Variants in BABAM1 observed in about 807,000 individuals in gnomAD.
BABAM1 encodes the protein BRISC and BRCA1 A complex member 1.
BABAM1 carries 14 observed loss-of-function variants against 34.4 expected under a neutral mutation model. The observed-to-expected ratio is 0.41, with a 90% CI of 0.27 to 0.64. BABAM1 has a LOEUF of 0.64. BABAM1 is among the 30% of genes least tolerant of loss of function. The pLI is 0.34. For missense variants in BABAM1, 393 were observed against 434.0 expected (o/e 0.91, Z 0.84); for synonymous variants, 169 against 165.8 (o/e 1.02, Z -0.15).
intron 2 of BABAM1, among the ~76,000 whole-genome samples, chr19:17,270,964 C>G (rs1276969370): frequency 6.7e-6 from 1 of 150,036 alleles, no homozygotes; most frequent in Non-Finnish European, 1.5e-5. Context: ...TGCTGGGATT[C>G]CAGGCATGAG....
intron 8 of BABAM1, among the ~76,000 whole-genome samples, chr19:17,278,237 C>G (rs1182403902): frequency 6.6e-6 from 1 of 151,804 alleles, no homozygotes; most frequent in South Asian, 2.1e-4. Flanking sequence ...GAAGCCCTCC[C>G]TGTTTTTCAA....
At chr19:17,274,591 A>C in intron 5 of BABAM1, 1 of 201,472 alleles carries the variant, frequency 5.0e-6, no homozygotes, top group African/African-American at 2.3e-5. Context: ...AAAGAAAGAA[A>C]TACCTGATTT....
chr19:17,274,055 G>A (rs1414955848), intron 4 of BABAM1, 31 bp downstream of exon 4: 1 of 1,613,562 alleles, frequency 6.2e-7, no homozygotes, highest in African/African-American at 1.3e-5. Context: ...GGGTGCCCTG[G>A]GGTCCCCTGG....
chr19:17,278,314 CTT>C (rs777700531), intron 8 of BABAM1, among the ~76,000 whole-genome samples: 4 of 126,642 alleles, frequency 3.2e-5, no homozygotes, highest in South Asian at 2.3e-4. Flanking sequence ...ACTGGGGACT[CTT>C]TTTTTTTTTT....
At position 17,276,895 on chromosome 19, in the gene BABAM1, G is replaced by A. The variant is rs937213907; in HGVS notation, c.772G>A (p.Glu258Lys). 2.5e-6 allele frequency: 4 copies of A among 1,598,542 alleles called. No homozygotes were observed. Among genetic ancestry groups the A allele is most frequent in the Non-Finnish European group, 3.4e-6 (4 of 1,172,500 alleles). The change falls in exon 8 of 9, where the codon GAG (glutamate) becomes AAG (lysine). Residue 258 changes from glutamate to lysine, a missense_variant. By Grantham distance (56) the Glu-to-Lys change is moderately conservative (BLOSUM62 1). Coordinates refer to ENST00000598188, the MANE Select transcript of BABAM1 (RefSeq NM_014173.4). ...IHNGTEEKEE[E>K]MSWKDMFAFM... The stretch of plus-strand genomic sequence containing the variant: ...CAATGGCACTGAGGAGAAGGAGGAG[G>A]AGATGAGTTGGAAGGTGAGAGGCTG...
At chr19:17,268,230 T>G (rs2073791389) in intron 1 of BABAM1, among the ~76,000 whole-genome samples, 1 of 149,422 alleles carries the variant, frequency 6.7e-6, no homozygotes, top group Non-Finnish European at 1.5e-5. Context: ...ACTGGCCGAG[T>G]AGGGGCATGG....
At chr19:17,273,055 G>A (rs185925913) in intron 3 of BABAM1, among the ~76,000 whole-genome samples, 1 of 152,248 alleles carries the variant, frequency 6.6e-6, no homozygotes, top group Non-Finnish European at 1.5e-5. Flanking sequence ...GAGTAGCAAG[G>A]ACAACTGGTA....
intron 6 of BABAM1, 73 bp from the exon 7 acceptor site, chr19:17,276,422 G>A (rs760230245): frequency 7.7e-6 from 12 of 1,549,128 alleles, no homozygotes; most frequent in Non-Finnish European, 1.0e-5. Context: ...AGCATCTGGG[G>A]TCTCTCTCAG....
intron 3 of BABAM1, among the ~76,000 whole-genome samples, chr19:17,273,583 A>G (rs2073871667): frequency 2.9e-5 from 2 of 67,858 alleles, no homozygotes; most frequent in Admixed American, 1.9e-4. Flanking sequence ...TTTTTTTTTG[A>G]GACAGAGTCT....
At chr19:17,275,896 C>A in intron 6 of BABAM1, 71 bp downstream of exon 6, 2 of 1,541,812 alleles carry the variant, frequency 1.3e-6, no homozygotes, top group Non-Finnish European at 1.8e-6. Context: ...AAGCTCCAAA[C>A]GGCACAGAAG....
rs1214439371 is a variant in BABAM1 at position 17,278,825 on chromosome 19, G to C, written c.787-20G>C. On this transcript the variant is annotated intron_variant, in intron 8 of 8. Coordinates refer to ENST00000598188, the MANE Select transcript of BABAM1 (RefSeq NM_014173.4). ...ACCTCTGCCTGAACAGCCCTTCACTGACCCCCGCCTCCCCGGCAGGATATG... is the reference window on the plus strand; with the variant it reads ...ACCTCTGCCTGAACAGCCCTTCACTCACCCCCGCCTCCCCGGCAGGATATG... 1.2e-6 allele frequency: 2 copies of C among 1,602,646 alleles called. No individual in the cohort carries two copies. The highest frequency in any genetic ancestry group is 1.7e-6 in the Non-Finnish European group (2 of 1,174,552).
rs2073906334 is a variant in BABAM1, at chr19:17,276,238, G to A, written c.570-257G>A. The A allele has an allele frequency of 5.4e-6, 3 of 553,948 alleles. No individual in the cohort carries two copies. The South Asian group carries it at 6.1e-5, about 11-fold the overall frequency. 34.3% of individuals were successfully genotyped at this position (553,948 alleles called of 1,614,324 possible). A position where few individuals can be genotyped will look rare whatever the true frequency, so the allele number is the denominator to read the frequency against. ...TAATCCCAGCTACTTGAGAGGCCGA[G>A]GCAGGAGAATCGCTTGAACCTGGGA... On this transcript the variant is annotated intron_variant, in intron 6 of 8. Coordinates refer to ENST00000598188, the MANE Select transcript of BABAM1 (RefSeq NM_014173.4).
intron 3 of BABAM1, 140 bp from the exon 4 acceptor site, chr19:17,273,764 C>T: frequency 1.7e-6 from 2 of 1,150,616 alleles, no homozygotes; most frequent in Non-Finnish European, 2.4e-6. Flanking sequence ...GGGGTTTCAC[C>T]ATCTTGACCA....
chr19:17,267,496 T>A lies in BABAM1; in HGVS notation c.-45T>A, dbSNP rs923214292. 6.6e-6 allele frequency: 1 copy of A among 152,330 alleles called. No homozygotes were observed. The highest frequency in any genetic ancestry group is 2.1e-4 in the South Asian group (1 of 4,830). The allele number at this position is 152,330 out of a possible 1,614,324, so 9.4% of individuals were successfully genotyped here. On this transcript the variant is annotated 5_prime_UTR_variant, in exon 1 of 9. Coordinates refer to ENST00000598188, the MANE Select transcript of BABAM1 (RefSeq NM_014173.4). ...CTTCCTAGTGAGTCGGCGGCTGATTTAGAAGGAGGTTCAGGCTACGGTGAG... is the reference window on the plus strand; with the variant it reads ...CTTCCTAGTGAGTCGGCGGCTGATTAAGAAGGAGGTTCAGGCTACGGTGAG...
chr19:17,276,779 G>A (rs1248510000), intron 7 of BABAM1, 44 bp from the exon 8 acceptor site: 1 of 1,573,388 alleles, frequency 6.4e-7, no homozygotes, highest in Non-Finnish European at 8.6e-7. Flanking sequence ...GGGGCACGGG[G>A]TGACCCAAGC....
Position 17,279,015 on chromosome 19 carries a change from G to A in BABAM1, c.957G>A (p.Glu319=). 6.2e-7 allele frequency: 1 copy of A among 1,612,372 alleles called. No individual in the cohort carries two copies. Among genetic ancestry groups the A allele is most frequent in the Non-Finnish European group, 8.5e-7 (1 of 1,179,378 alleles). ...SHASYSLLEE[E]DEAIEVEATV is the part of the protein sequence containing the mutation. ...CTTCCTACAGCCTGCTGGAGGAGGA[G>A]GATGAAGCCATTGAGGTTGAGGCCA... Residue 319 remains glutamate, a synonymous_variant, in exon 9 of 9, where the codon GAG becomes GAA. Coordinates refer to ENST00000598188, the MANE Select transcript of BABAM1 (RefSeq NM_014173.4).
intron 5 of BABAM1, 98 bp from the exon 6 acceptor site, chr19:17,275,703 C>T (rs2073899958): frequency 1.3e-6 from 2 of 1,518,232 alleles, no homozygotes; most frequent in Non-Finnish European, 1.8e-6. Context: ...TGGTGCGTCC[C>T]TAGGGGTGCC....
chr19:17,277,366 T>G (rs573011166), intron 8 of BABAM1: 1 of 160,598 alleles, frequency 6.2e-6, no homozygotes, highest in South Asian at 1.7e-4. Flanking sequence ...CATACCAGGT[T>G]AATTTTTGTA....
intron 6 of BABAM1, chr19:17,276,265 G>T: frequency 3.4e-6 from 2 of 594,340 alleles, no homozygotes; most frequent in South Asian, 2.0e-5. Flanking sequence ...AACCTGGGAG[G>T]TAGAGGTTGC....
Sources: gnomAD v4.1 joint callset for allele counts (sites outside exome capture counted in the v4.1 genomes callset) on GRCh38, gnomAD v4.1.1 for gene constraint, MANE v1.5 for transcripts, NCBI Gene and HGNC (gene_info 2026-07-23, HGNC 2026-07-21) for gene names.